Variants in OCA2 observed in about 807,000 individuals in gnomAD.
OCA2 encodes P protein.
In OCA2, 77 loss-of-function variants were observed where a neutral mutation model predicts 100.2. That is an observed-to-expected ratio of 0.77 (90% CI 0.64 to 0.93). The LOEUF (loss-of-function observed/expected upper bound fraction) is 0.93. Among genes scored for constraint, OCA2 ranks in the 40% least tolerant of loss-of-function variants. OCA2 has a pLI of 0.00. For missense variants in OCA2, 1,062 were observed against 1,089.1 expected, an observed-to-expected ratio of 0.98 and a Z score of 0.35; for synonymous variants, 432 against 439.2, an observed-to-expected ratio of 0.98 and a Z score of 0.21.
intron 2 of OCA2, among the ~76,000 whole-genome samples, chr15:28,054,393 A>G (rs2043622962): frequency 6.6e-6 from 1 of 152,174 alleles, no homozygotes; most frequent in Non-Finnish European, 1.5e-5. Context: ...GAGATGGCCA[A>G]ATGGCTCCTG....
At chr15:27,906,838 C>T (rs1393307838) in intron 19 of OCA2, among the ~76,000 whole-genome samples, 1 of 152,152 alleles carries the variant, frequency 6.6e-6, no homozygotes, top group Non-Finnish European at 1.5e-5. Context: ...GAGGCAGACA[C>T]CAACATCCAC....
chr15:27,861,446 A>T (rs1056800675), intron 21 of OCA2, among the ~76,000 whole-genome samples: 1 of 152,082 alleles, frequency 6.6e-6, no homozygotes, highest in Non-Finnish European at 1.5e-5. Flanking sequence ...TGTTCAGATG[A>T]GACCCCTGCA....
intron 21 of OCA2, among the ~76,000 whole-genome samples, chr15:27,870,830 AAG>A (rs2036536336): frequency 3.3e-5 from 5 of 151,208 alleles, no homozygotes; most frequent in African/African-American, 1.2e-4. Flanking sequence ...GAAAGAAAGA[AAG>A]AGAAAGAAAG....
At chr15:27,946,027 T>C (rs757595198) in intron 18 of OCA2, among the ~76,000 whole-genome samples, 8 of 152,236 alleles carry the variant, frequency 5.3e-5, no homozygotes, top group Non-Finnish European at 7.3e-5. Flanking sequence ...ATGAGGTTGT[T>C]TGCAGTCTTT....
At chr15:27,977,759 G>A (rs1338014767) in intron 14 of OCA2, among the ~76,000 whole-genome samples, 1 of 152,168 alleles carries the variant, frequency 6.6e-6, no homozygotes, top group Non-Finnish European at 1.5e-5. Context: ...TGAGGGTGGA[G>A]CCCTCACACT....
intron 1 of OCA2, among the ~76,000 whole-genome samples, chr15:28,082,211 GTGGACCAATCAGCACTCTGTAAAA>G (rs1462381406): frequency 1.3e-5 from 2 of 152,148 alleles, no homozygotes; most frequent in Non-Finnish European, 2.9e-5. Context: ...ACTCTGTACA[GTGGACCAATCAGCACTCTGTAAAA>G]TGGACCAATC....
chr15:27,886,250 C>T (rs1357325841), intron 19 of OCA2, among the ~76,000 whole-genome samples: 2 of 152,112 alleles, frequency 1.3e-5, no homozygotes, highest in Non-Finnish European at 1.5e-5. Flanking sequence ...GATTTTATTC[C>T]AAGTGAAAGA....
At chr15:27,726,913 G>A in the OCA2 span, among the ~76,000 whole-genome samples, 10 of 152,198 alleles carry the variant, frequency 6.6e-5, no homozygotes, top group African/African-American at 9.6e-5. Context: ...TGAAGAGTGC[G>A]CCTCCTGAAA....
chr15:28,014,679 A>G, intron 9 of OCA2, 97 bp downstream of exon 9: 1 of 1,329,278 alleles, frequency 7.5e-7, no homozygotes, highest in Admixed American at 1.9e-5. Flanking sequence ...CAGTTTGATT[A>G]AGGAGTCAGG....
At chr15:27,765,931 A>G (rs1442204871) in intron 23 of OCA2, among the ~76,000 whole-genome samples, 1 of 152,156 alleles carries the variant, frequency 6.6e-6, no homozygotes, top group Non-Finnish European at 1.5e-5. Context: ...ATCTTGTGCC[A>G]ACCTCCTAAC....
chr15:27,978,885 C>T (rs935272018), intron 14 of OCA2, among the ~76,000 whole-genome samples: 24 of 152,126 alleles, frequency 1.6e-4, no homozygotes, highest in African/African-American at 5.8e-4. Context: ...CGGGGTTTCA[C>T]CATGTTAGCC....
chr15:27,856,767 T>G (rs1200572447), intron 21 of OCA2, among the ~76,000 whole-genome samples: 2 of 152,078 alleles, frequency 1.3e-5, no homozygotes, highest in Non-Finnish European at 2.9e-5. Flanking sequence ...AGGAAATCTT[T>G]GTCAGTCTAC....
intron 23 of OCA2, among the ~76,000 whole-genome samples, chr15:27,797,655 C>T (rs375044989): frequency 6.6e-6 from 1 of 152,136 alleles, no homozygotes; most frequent in Non-Finnish European, 1.5e-5. Context: ...TAATTTGTTA[C>T]GTTTAGCCTG....
At chr15:27,910,919 G>C (rs2140255174) in intron 19 of OCA2, among the ~76,000 whole-genome samples, 1 of 151,812 alleles carries the variant, frequency 6.6e-6, no homozygotes, top group East Asian at 2.0e-4. Context: ...TCATGCCACT[G>C]CACTCCAGCC....
At chr15:27,974,223 T>A (rs529529730) in intron 14 of OCA2, among the ~76,000 whole-genome samples, 2 of 152,344 alleles carry the variant, frequency 1.3e-5, no homozygotes, top group African/African-American at 4.8e-5. Flanking sequence ...AGGAATAATT[T>A]TAAAATTAAT....
At chr15:27,915,743 C>T (rs982827699) in intron 19 of OCA2, among the ~76,000 whole-genome samples, 1 of 152,148 alleles carries the variant, frequency 6.6e-6, no homozygotes, top group African/African-American at 2.4e-5. Context: ...TGCTTATACA[C>T]TGCTGATTCT....
the OCA2 span, among the ~76,000 whole-genome samples, chr15:27,729,666 T>A: frequency 7.2e-4 from 109 of 152,292 alleles, no homozygotes; most frequent in African/African-American, 2.5e-3. Context: ...GCTGCCACTT[T>A]CTCTGCCTAT....
In OCA2 at chr15:28,059,873, C is replaced by CT. The variant is rs1460120815; in HGVS notation, c.227+21774dup. Among the ~76,000 whole-genome samples the CT allele has an allele frequency of 9.8e-5, 15 of 152,320 alleles. No homozygotes were observed. The East Asian group carries it at 2.9e-3, about 29-fold the overall frequency. On this transcript the variant is annotated intron_variant, in intron 2 of 23. Coordinates refer to ENST00000354638, the MANE Select transcript of OCA2 (RefSeq NM_000275.3). ...TGGGAGCATGTGAAGTCAATTAGTA[C>CT]TTACTCCGTTTCTTTCTATTTAAGA...
At chr15:27,995,859 C>T (rs1394528596) in intron 9 of OCA2, among the ~76,000 whole-genome samples, 1 of 149,528 alleles carries the variant, frequency 6.7e-6, no homozygotes, top group African/African-American at 2.5e-5. Context: ...GTCACCCAGG[C>T]TGGAGTGCAG....
Sources: allele counts gnomAD v4.1 joint callset (sites outside exome capture counted in the v4.1 genomes callset), GRCh38; gene constraint gnomAD v4.1.1; transcripts MANE v1.5; gene names NCBI Gene and HGNC (gene_info 2026-07-23, HGNC 2026-07-21).